Variants in ZNF407 observed in about 807,000 individuals in gnomAD.
The protein encoded by ZNF407 is zinc finger protein 407.
Under a neutral mutation model 131.2 loss-of-function variants are expected in ZNF407, and 17 were observed. The ratio of observed to expected loss-of-function variants is 0.13; its 90% confidence interval spans 0.09 to 0.19. The LOEUF is 0.19. ZNF407 is among the 10% of genes least tolerant of loss of function. ZNF407 has a pLI of 1.00. For synonymous variants in ZNF407, 1,156 were observed against 1,062.0 expected (o/e 1.09, Z -1.72); for missense variants, 2,681 against 2,830.6 (o/e 0.95, Z 1.20).
intron 3 of ZNF407, among the ~76,000 whole-genome samples, chr18:74,698,500 T>G (rs1479428863): frequency 6.6e-6 from 1 of 152,194 alleles, no homozygotes; most frequent in Non-Finnish European, 1.5e-5. Context: ...TCTTTTAGAC[T>G]GAGCAATCTC....
chr18:75,012,731 C>G (rs1972995064), intron 8 of ZNF407, among the ~76,000 whole-genome samples: 1 of 150,862 alleles, frequency 6.6e-6, no homozygotes, highest in African/African-American at 2.4e-5. Context: ...TTAGGCAATT[C>G]CATTTTTTGT....
At chr18:74,872,153 C>G (rs1283791989) in intron 4 of ZNF407, among the ~76,000 whole-genome samples, 1 of 150,516 alleles carries the variant, frequency 6.6e-6, no homozygotes, top group Admixed American at 6.6e-5. Context: ...TCAGCCCCGC[C>G]CCCCTCCTCA....
At chr18:74,852,181 ACACACACACACACACACG>A (rs974592421) in intron 4 of ZNF407, among the ~76,000 whole-genome samples, 6 of 114,468 alleles carry the variant, frequency 5.2e-5, no homozygotes, top group Admixed American at 1.7e-4. Context: ...ACACACACAC[ACACACACACACACACACG>A]CACGCACGCA....
intron 3 of ZNF407, among the ~76,000 whole-genome samples, chr18:74,741,964 T>C (rs1397016227): frequency 6.6e-6 from 1 of 152,218 alleles, no homozygotes; most frequent in African/African-American, 2.4e-5. Flanking sequence ...GTGTGGTTCT[T>C]GCCTAGAATT....
chr18:75,041,608 G>A (rs1973374090), intron 8 of ZNF407, among the ~76,000 whole-genome samples: 1 of 145,310 alleles, frequency 6.9e-6, no homozygotes, highest in Non-Finnish European at 1.5e-5. Flanking sequence ...TAGCGCATGT[G>A]TGTGCATGCA....
chr18:74,630,999 A>G lies in ZNF407; in HGVS notation c.-21A>G, dbSNP rs1205185288. ...GTGCCAGTGAGCCGCCTTAGATAGA[A>G]GCATCGTCAGCACTTTATTAATGAT... On this transcript the variant is annotated 5_prime_UTR_variant, in exon 2 of 9. Transcript: ENST00000299687. The G allele has an allele frequency of 6.3e-7, 1 of 1,583,900 alleles. No individual in the cohort carries two copies. Among genetic ancestry groups the G allele is most frequent in the Non-Finnish European group, 8.6e-7 (1 of 1,168,090 alleles).
chr18:74,976,318 A>G (rs1007018942), intron 8 of ZNF407, among the ~76,000 whole-genome samples: 2 of 152,196 alleles, frequency 1.3e-5, no homozygotes, highest in Non-Finnish European at 2.9e-5. Context: ...GAGTGTTTAC[A>G]TGCCCCTTTT....
At chr18:74,879,711 G>A (rs1184202267) in intron 5 of ZNF407, among the ~76,000 whole-genome samples, 1 of 152,102 alleles carries the variant, frequency 6.6e-6, no homozygotes, top group Non-Finnish European at 1.5e-5. Flanking sequence ...TTTAAATTCA[G>A]CCTTATTTTT....
At chr18:74,612,606 C>T (rs774296240) in intron 1 of ZNF407, among the ~76,000 whole-genome samples, 4 of 151,978 alleles carry the variant, frequency 2.6e-5, no homozygotes, top group African/African-American at 7.3e-5. Flanking sequence ...AGACTGGATT[C>T]GATGATAATT....
At chr18:74,778,167 G>A (rs924396078) in intron 3 of ZNF407, among the ~76,000 whole-genome samples, 2 of 152,048 alleles carry the variant, frequency 1.3e-5, no homozygotes, top group African/African-American at 4.8e-5. Context: ...ATTCTCACCC[G>A]CCCTCTTTTT....
At chr18:74,947,305 C>G (rs972317407) in intron 8 of ZNF407, among the ~76,000 whole-genome samples, 1 of 152,048 alleles carries the variant, frequency 6.6e-6, no homozygotes, top group Non-Finnish European at 1.5e-5. Flanking sequence ...TTCATTTGAC[C>G]TGGGAGAAAT....
At chr18:74,651,661 A>G (rs946385595) in intron 3 of ZNF407, among the ~76,000 whole-genome samples, 31 of 152,166 alleles carry the variant, frequency 2.0e-4, no homozygotes, top group African/African-American at 6.0e-4. Flanking sequence ...GGAAAAAAGG[A>G]AAGATTTAGT....
At chr18:74,913,988 C>G (rs1375086125) in intron 7 of ZNF407, among the ~76,000 whole-genome samples, 2 of 152,184 alleles carry the variant, frequency 1.3e-5, no homozygotes, top group African/African-American at 2.4e-5. Context: ...TTTTGCTAAT[C>G]AGTCACCCCG....
intron 3 of ZNF407, among the ~76,000 whole-genome samples, chr18:74,777,220 GA>G (rs1478030527): frequency 6.6e-6 from 1 of 151,846 alleles, no homozygotes; most frequent in African/African-American, 2.4e-5. Context: ...GTTAAAATAA[GA>G]TTTTTTTTTT....
At chr18:74,661,387 T>A (rs1352217632) in intron 3 of ZNF407, among the ~76,000 whole-genome samples, 1 of 148,106 alleles carries the variant, frequency 6.8e-6, no homozygotes, top group Non-Finnish European at 1.5e-5. Flanking sequence ...TAATTATATA[T>A]ATATATATAA....
intron 4 of ZNF407, among the ~76,000 whole-genome samples, chr18:74,827,196 G>A (rs780821133): frequency 1.1e-4 from 17 of 152,166 alleles, no homozygotes; most frequent in Non-Finnish European, 2.5e-4. Flanking sequence ...TAGACCCGGA[G>A]TATGTATTTT....
At chr18:74,798,209 A>ACACACACAC (rs1969956783) in intron 4 of ZNF407, among the ~76,000 whole-genome samples, 1 of 147,836 alleles carries the variant, frequency 6.8e-6, no homozygotes, top group Non-Finnish European at 1.5e-5. Context: ...CCTTTACACA[A>ACACACACAC]ACACACACAC....
intron 4 of ZNF407, among the ~76,000 whole-genome samples, chr18:74,788,051 A>G (rs1361661468): frequency 6.6e-6 from 1 of 152,102 alleles, no homozygotes; most frequent in Non-Finnish European, 1.5e-5. Context: ...TTTCCTCTTT[A>G]TGTTTACTGT....
intron 4 of ZNF407, among the ~76,000 whole-genome samples, chr18:74,846,782 A>G (rs1970709116): frequency 6.6e-6 from 1 of 151,774 alleles, no homozygotes; most frequent in African/African-American, 2.4e-5. Flanking sequence ...ACACGAGGTC[A>G]GGAGTTCGAG....
Sources: allele counts gnomAD v4.1 joint callset (sites outside exome capture counted in the v4.1 genomes callset), GRCh38; gene constraint gnomAD v4.1.1; transcripts MANE v1.5; gene names NCBI Gene and HGNC (gene_info 2026-07-23, HGNC 2026-07-21).